Variants in RPH3A observed in about 807,000 individuals in gnomAD.
RPH3A encodes the protein rabphilin-3A.
RPH3A carries 48 observed loss-of-function variants against 102.2 expected under a neutral mutation model. That is an observed-to-expected ratio of 0.47 (90% CI 0.37 to 0.60). RPH3A has a LOEUF of 0.60. Ranked by LOEUF, RPH3A falls within the 20% of genes least tolerant of loss-of-function variation. RPH3A has a pLI of 0.00. For synonymous variants in RPH3A, 310 were observed against 324.3 expected (o/e 0.96, Z 0.47); for missense variants, 781 against 910.1 (o/e 0.86, Z 1.83).
chr12:112,799,197 G>A (rs1434132444), intron 2 of RPH3A, among the ~76,000 whole-genome samples: 2 of 152,110 alleles, frequency 1.3e-5, no homozygotes. Context: ...GACCAGCCTG[G>A]GCAACATGTG....
rs773931202 is a variant in RPH3A, at chr12:112,580,394, CTTTTTT to C, written c.-140+5095_-140+5100del. The stretch of plus-strand genomic sequence containing the variant: ...GACTTAGCAGACACTTTTGTCTTGT[CTTTTTT>C]TTTTTTTTTTTTTTTTTTTCTGAGA... On this transcript the variant is annotated intron_variant, in intron 1 of 21. Coordinates refer to the RPH3A transcript ENST00000543106. 9.5e-4 allele frequency among the ~76,000 whole-genome samples: 73 copies of C among 76,956 alleles called. 1 individual carries two copies. The highest frequency in any genetic ancestry group is 3.7e-3 in the African/African-American group (71 of 18,988). The allele number at this position is 76,956 out of a possible 152,430, so 50.5% of individuals were successfully genotyped here.
At chr12:112,652,141 G>A (rs1249656479) in intron 1 of RPH3A, among the ~76,000 whole-genome samples, 2 of 152,066 alleles carry the variant, frequency 1.3e-5, no homozygotes, top group Non-Finnish European at 2.9e-5. Flanking sequence ...GATCATGTGG[G>A]AATTGTTTTT....
chr12:112,789,455 G>A (rs1468986082), upstream of RPH3A, among the ~76,000 whole-genome samples: 1 of 152,184 alleles, frequency 6.6e-6, no homozygotes, highest in African/African-American at 2.4e-5. Context: ...CCTGGAGCAT[G>A]TTCTTTGGAA....
At chr12:112,754,902 G>A (rs1351426954) in intron 1 of RPH3A, among the ~76,000 whole-genome samples, 1 of 152,152 alleles carries the variant, frequency 6.6e-6, no homozygotes, top group Non-Finnish European at 1.5e-5. Context: ...AATTACATCT[G>A]AATCTCTGGG....
chr12:112,681,951 C>T (rs2040228999), intron 1 of RPH3A, among the ~76,000 whole-genome samples: 1 of 152,218 alleles, frequency 6.6e-6, no homozygotes, highest in Non-Finnish European at 1.5e-5. Context: ...CATCTTGCTA[C>T]ACTTTCTCTC....
chr12:112,579,893 C>T (rs2039384587), intron 1 of RPH3A, among the ~76,000 whole-genome samples: 1 of 152,100 alleles, frequency 6.6e-6, no homozygotes, highest in African/African-American at 2.4e-5. Flanking sequence ...CCATAGCTGG[C>T]CAAGTTGTTT....
chr12:112,813,784 C>A (rs1391258806), intron 2 of RPH3A, among the ~76,000 whole-genome samples: 1 of 152,174 alleles, frequency 6.6e-6, no homozygotes, highest in Non-Finnish European at 1.5e-5. Flanking sequence ...AACGGAGGCT[C>A]TGAAAAGTTA....
intron 1 of RPH3A, among the ~76,000 whole-genome samples, chr12:112,740,607 A>G (rs1251210335): frequency 6.6e-6 from 1 of 152,214 alleles, no homozygotes; most frequent in Non-Finnish European, 1.5e-5. Flanking sequence ...CCTCTGTGTC[A>G]TCATGAAACA....
chr12:112,858,553 T>C (rs766411727), intron 5 of RPH3A, among the ~76,000 whole-genome samples: 2 of 152,196 alleles, frequency 1.3e-5, no homozygotes, highest in Non-Finnish European at 2.9e-5. Flanking sequence ...TGAGTTCTCA[T>C]AGCTGCTCAT....
intron 1 of RPH3A, among the ~76,000 whole-genome samples, chr12:112,684,546 G>A (rs1257040817): frequency 2.6e-5 from 4 of 152,036 alleles, no homozygotes; most frequent in African/African-American, 7.3e-5. Context: ...GGAGTTACAG[G>A]CATGAGCAAC....
At chr12:112,596,908 C>A (rs1006865036) in intron 1 of RPH3A, among the ~76,000 whole-genome samples, 3 of 152,212 alleles carry the variant, frequency 2.0e-5, no homozygotes, top group African/African-American at 7.2e-5. Context: ...TTGTTTTTGT[C>A]AGTGTAGAGG....
intron 1 of RPH3A, among the ~76,000 whole-genome samples, chr12:112,723,820 G>A (rs1325338065): frequency 6.6e-6 from 1 of 152,218 alleles, no homozygotes; most frequent in Non-Finnish European, 1.5e-5. Context: ...GTACAGTATG[G>A]ACGACAGTTA....
At chr12:112,638,726 G>A (rs2039865235) in intron 1 of RPH3A, among the ~76,000 whole-genome samples, 2 of 152,076 alleles carry the variant, frequency 1.3e-5, no homozygotes, top group African/African-American at 4.8e-5. Flanking sequence ...ATCTCTCACA[G>A]GACCACTGTT....
At chr12:112,613,626 CCT>C (rs2039655636) in intron 1 of RPH3A, among the ~76,000 whole-genome samples, 1 of 151,960 alleles carries the variant, frequency 6.6e-6, no homozygotes, top group African/African-American at 2.4e-5. Flanking sequence ...ATAGTGAGAC[CCT>C]GTCTTTACTA....
intron 1 of RPH3A, among the ~76,000 whole-genome samples, chr12:112,739,467 T>C (rs568639712): frequency 6.6e-6 from 1 of 152,322 alleles, no homozygotes; most frequent in South Asian, 2.1e-4. Flanking sequence ...CATGCCCTTA[T>C]GCCTGCCCTT....
At position 112,692,243 on chromosome 12, in the gene RPH3A, T is replaced by G. The variant is rs183663080; in HGVS notation, c.-139-99900T>G. ...AATTACAGCCAGATAGGAGGAATAATTTTTAGTGTTCTATAACACTACAAG... is the reference window on the plus strand; with the variant it reads ...AATTACAGCCAGATAGGAGGAATAAGTTTTAGTGTTCTATAACACTACAAG... On this transcript the variant is annotated intron_variant, in intron 1 of 21. Transcript: ENST00000543106. Among the ~76,000 whole-genome samples, 744 of 152,310 alleles carry G rather than the reference T, an allele frequency of 4.9e-3. 4 individuals carry two copies. The highest frequency in any genetic ancestry group is 0.017 in the African/African-American group (703 of 41,564).
chr12:112,865,437 A>G lies in RPH3A; in HGVS notation c.254A>G (p.Asn85Ser). ...RIGRLVDRLE[N>S]MRKNVAGDGV... ...AGACGCCTGGTGGACCGCCTAGAAAACATGAGGAAGAACGTGGCTGGAGAT... is the reference window on the plus strand; with the variant it reads ...AGACGCCTGGTGGACCGCCTAGAAAGCATGAGGAAGAACGTGGCTGGAGAT... The change falls in exon 6 of 22, where the codon AAC (asparagine) becomes AGC (serine). Residue 85 changes from asparagine to serine, a missense_variant. Transcript: ENST00000389385. 2 of 1,613,988 alleles carry G rather than the reference A, an allele frequency of 1.2e-6. No individual in the cohort carries two copies. The highest frequency in any genetic ancestry group is 2.2e-5 in the South Asian group (2 of 91,066).
chr12:112,600,909 T>A (rs2039553411), intron 1 of RPH3A, among the ~76,000 whole-genome samples: 1 of 152,148 alleles, frequency 6.6e-6, no homozygotes, highest in Non-Finnish European at 1.5e-5. Context: ...CTCAGGAAAC[T>A]TACAATCATG....
intron 1 of RPH3A, among the ~76,000 whole-genome samples, chr12:112,702,964 C>T (rs922221005): frequency 1.3e-5 from 2 of 152,176 alleles, no homozygotes; most frequent in African/African-American, 4.8e-5. Flanking sequence ...AGGGACTTGT[C>T]CACTCTGATG....
Sources: gnomAD v4.1 joint callset for allele counts (sites outside exome capture counted in the v4.1 genomes callset) on GRCh38, gnomAD v4.1.1 for gene constraint, MANE v1.5 for transcripts, NCBI Gene and HGNC (gene_info 2026-07-23, HGNC 2026-07-21) for gene names.